The following SGCZ variants were observed in gnomAD, a reference collection of about 807,000 sequenced individuals.
The protein encoded by SGCZ is zeta-sarcoglycan.
A neutral mutation model predicts 41.3 loss-of-function variants in SGCZ; 40 were observed. The ratio of observed to expected loss-of-function variants is 0.97; its 90% CI spans 0.75 to 1.26. The LOEUF (loss-of-function observed/expected upper bound fraction) is 1.26, where lower values mean the gene tolerates loss of function less well. SGCZ is among the 50% of genes most tolerant of loss of function. SGCZ has a pLI of 0.00. For synonymous variants in SGCZ, 206 were observed against 137.5 expected, an observed-to-expected ratio of 1.50 and a Z score of -3.49; for missense variants, 552 against 369.8, an observed-to-expected ratio of 1.49 and a Z score of -4.04.
At chr8:15,165,001 C>T (rs544046085) in intron 1 of SGCZ, among the ~76,000 whole-genome samples, 3 of 152,080 alleles carry the variant, frequency 2.0e-5, no homozygotes, top group Non-Finnish European at 4.4e-5. Context: ...GTCAAAAGAG[C>T]TCTAATTAGG....
intron 3 of SGCZ, among the ~76,000 whole-genome samples, chr8:14,259,105 T>G (rs111398780): frequency 0.013 from 2,038 of 152,318 alleles, 20 homozygotes; most frequent in Non-Finnish European, 0.019. Context: ...TTGGGTAACC[T>G]CTAGTATACG....
chr8:14,275,153 C>T (rs1426998), intron 3 of SGCZ, among the ~76,000 whole-genome samples: 150,994 of 152,260 alleles, frequency 0.99, 74,884 homozygotes, highest in East Asian at 1. Flanking sequence ...CCAGGTCTCT[C>T]GACTCAGTCA....
intron 4 of SGCZ, among the ~76,000 whole-genome samples, chr8:14,169,426 A>C (rs896120404): frequency 1.3e-5 from 2 of 152,106 alleles, no homozygotes; most frequent in African/African-American, 4.8e-5. Flanking sequence ...CAGTATTACC[A>C]GTAACTTCCA....
chr8:14,215,397 C>T (rs984021472), intron 4 of SGCZ, among the ~76,000 whole-genome samples: 1 of 151,800 alleles, frequency 6.6e-6, no homozygotes, highest in African/African-American at 2.4e-5. Flanking sequence ...CTTACAGCAT[C>T]CACTTGCCCT....
rs367922242 is a variant in SGCZ, at chr8:14,665,673, A to T, written c.40-110747T>A. ...TGTGGCTTTGCTCAAAGCATCTTGGAGCTTTTCATACCCCATTCATCATGT... is the reference window on the plus strand; with the variant it reads ...TGTGGCTTTGCTCAAAGCATCTTGGTGCTTTTCATACCCCATTCATCATGT... On this transcript the variant is annotated intron_variant, in intron 1 of 7. Coordinates refer to ENST00000382080, the MANE Select transcript of SGCZ (RefSeq NM_139167.4). Among the ~76,000 whole-genome samples the T allele has an allele frequency of 2.6e-5, 4 of 152,272 alleles. No homozygotes were observed. In the East Asian group the frequency reaches 7.7e-4, roughly 29 times the overall value.
chr8:14,784,443 C>A (rs754203058), intron 1 of SGCZ, among the ~76,000 whole-genome samples: 4 of 151,800 alleles, frequency 2.6e-5, no homozygotes, highest in Admixed American at 6.6e-5. Context: ...GGGTTTTTGT[C>A]ATACTTAAAA....
chr8:14,109,317 T>G (rs1162214024), intron 5 of SGCZ, among the ~76,000 whole-genome samples: 1 of 152,112 alleles, frequency 6.6e-6, no homozygotes, highest in Non-Finnish European at 1.5e-5. Flanking sequence ...TTTTCATAAT[T>G]TAACTGAGCA....
chr8:14,192,216 T>G (rs183048303), intron 4 of SGCZ, among the ~76,000 whole-genome samples: 26 of 152,176 alleles, frequency 1.7e-4, no homozygotes, highest in African/African-American at 5.3e-4. Flanking sequence ...TATTATCTTT[T>G]TATTTAGCAA....
intron 1 of SGCZ, among the ~76,000 whole-genome samples, chr8:14,779,165 T>C (rs1800505469): frequency 6.6e-6 from 1 of 152,216 alleles, no homozygotes; most frequent in Non-Finnish European, 1.5e-5. Context: ...GTTCCTCACA[T>C]ATTAAATCAT....
At chr8:14,547,326 T>G (rs1272214252) in intron 2 of SGCZ, among the ~76,000 whole-genome samples, 1 of 152,038 alleles carries the variant, frequency 6.6e-6, no homozygotes, top group African/African-American at 2.4e-5. Context: ...CCAGAAAGGG[T>G]GCTGACAGGT....
chr8:14,924,826 C>T, intron 1 of SGCZ, among the ~76,000 whole-genome samples: 1 of 148,988 alleles, frequency 6.7e-6, no homozygotes, highest in East Asian at 2.0e-4. Context: ...AAGTATGGTT[C>T]CTGTATGTCT....
intron 4 of SGCZ, among the ~76,000 whole-genome samples, chr8:14,201,993 G>A (rs1023034583): frequency 6.6e-6 from 1 of 152,106 alleles, no homozygotes; most frequent in African/African-American, 2.4e-5. Flanking sequence ...GCAGAATAAT[G>A]AAACCCCTCA....
chr8:14,933,368 C>A (rs1185884102), intron 1 of SGCZ, among the ~76,000 whole-genome samples: 1 of 150,246 alleles, frequency 6.7e-6, no homozygotes, highest in Non-Finnish European at 1.5e-5. Flanking sequence ...GAGCTCTCTG[C>A]AAAAATGGAA....
At chr8:14,439,984 A>G (rs1416561052) in intron 2 of SGCZ, among the ~76,000 whole-genome samples, 2 of 151,952 alleles carry the variant, frequency 1.3e-5, no homozygotes, top group East Asian at 3.9e-4. Context: ...ATTAGGGACA[A>G]AAAAAATTTT....
chr8:14,721,931 C>T (rs934579812), intron 1 of SGCZ, among the ~76,000 whole-genome samples: 3 of 152,170 alleles, frequency 2.0e-5, no homozygotes, highest in Non-Finnish European at 4.4e-5. Context: ...CAGTCATTCT[C>T]ACACCTTAGG....
At chr8:14,539,210 G>A (rs138532355) in intron 2 of SGCZ, among the ~76,000 whole-genome samples, 5 of 152,036 alleles carry the variant, frequency 3.3e-5, no homozygotes, top group East Asian at 1.9e-4. Context: ...TGGGCCTCCC[G>A]CCAAATGGCC....
chr8:14,213,269 A>G (rs62492322), intron 4 of SGCZ, among the ~76,000 whole-genome samples: 36,043 of 151,920 alleles, frequency 0.24, 5,468 homozygotes, highest in Non-Finnish European at 0.34. Context: ...TGAAAAGTAA[A>G]GACACGCACA....
chr8:14,261,679 C>A (rs1799673581), intron 3 of SGCZ, among the ~76,000 whole-genome samples: 1 of 152,052 alleles, frequency 6.6e-6, no homozygotes, highest in Admixed American at 6.6e-5. Flanking sequence ...TCATACCAAC[C>A]AAGCAATGTA....
chr8:14,320,843 C>A (rs1801893406), intron 3 of SGCZ, among the ~76,000 whole-genome samples: 1 of 152,000 alleles, frequency 6.6e-6, no homozygotes, highest in South Asian at 2.1e-4. Flanking sequence ...ACAAACAAAC[C>A]AAGAGGGCTG....
Sources: allele counts gnomAD v4.1 joint callset (sites outside exome capture counted in the v4.1 genomes callset), GRCh38; gene constraint gnomAD v4.1.1; transcripts MANE v1.5; gene names NCBI Gene and HGNC (gene_info 2026-07-23, HGNC 2026-07-21).